Variants in ESRRB observed in about 807,000 individuals in gnomAD.
The protein encoded by ESRRB is steroid hormone receptor ERR2.
Under a neutral mutation model 46.0 loss-of-function variants are expected in ESRRB, and 16 were observed. The ratio of observed to expected loss-of-function variants is 0.35; its 90% CI spans 0.24 to 0.53. The LOEUF (loss-of-function observed/expected upper bound fraction) is 0.53. Among genes scored for constraint, ESRRB ranks in the 20% least tolerant of loss-of-function variants. ESRRB has a pLI of 0.93. For synonymous variants in ESRRB, 246 were observed against 259.6 expected, an observed-to-expected ratio of 0.95 and a Z score of 0.50; for missense variants, 488 against 607.4, an observed-to-expected ratio of 0.80 and a Z score of 2.07.
At chr14:76,425,125 G>A (rs920594606) in intron 1 of ESRRB, among the ~76,000 whole-genome samples, 1 of 152,172 alleles carries the variant, frequency 6.6e-6, no homozygotes, top group African/African-American at 2.4e-5. Context: ...ACCCTGGTGA[G>A]GAGAGGGGAG....
At position 76,360,769 on chromosome 14, in the gene ESRRB, G is replaced by C. The variant is rs551999906; in HGVS notation, c.2+49853G>C. 9.9e-5 allele frequency among the ~76,000 whole-genome samples: 15 copies of C among 152,280 alleles called. No homozygotes were observed. The Middle Eastern group carries it at 0.024, about 242-fold the overall frequency. On this transcript the variant is annotated intron_variant, in intron 1 of 6. Coordinates refer to the ESRRB transcript ENST00000512784. ...CATTAGCTAGCACTGAATGTAACAA[G>C]ACTTAACAGTTGATAGATAAAGAGG... is the stretch of plus-strand genomic sequence containing the variant.
In ESRRB at chr14:76,358,355, G is replaced by A. The variant is rs868512460; in HGVS notation, c.2+47439G>A. On this transcript the variant is annotated intron_variant, in intron 1 of 6. Transcript: ENST00000512784. The stretch of plus-strand genomic sequence containing the variant: ...AGAAAGAAAGAAAGAAAGAAAGAAA[G>A]AAAGAAAGAAAGAAAGAAAGAAAGA... 1.6e-4 allele frequency among the ~76,000 whole-genome samples: 7 copies of A among 42,816 alleles called. 1 individual carries two copies. The highest frequency in any genetic ancestry group is 5.0e-4 in the African/African-American group (5 of 9,946). The allele number at this position is 42,816 out of a possible 152,430, so 28.1% of individuals were successfully genotyped here.
intron 1 of ESRRB, among the ~76,000 whole-genome samples, chr14:76,321,418 G>C (rs1407078394): frequency 2.6e-5 from 4 of 152,030 alleles, no homozygotes; most frequent in Admixed American, 2.6e-4. Flanking sequence ...TTCACACTGG[G>C]GTTGAACCAT....
At chr14:76,409,813 G>A (rs1003587361) in intron 1 of ESRRB, among the ~76,000 whole-genome samples, 2 of 152,128 alleles carry the variant, frequency 1.3e-5, no homozygotes, top group African/African-American at 4.8e-5. Flanking sequence ...GGAAGGCTGA[G>A]GAAATGAAGA....
intron 1 of ESRRB, among the ~76,000 whole-genome samples, chr14:76,396,801 C>A (rs1257057572): frequency 6.6e-6 from 1 of 152,202 alleles, no homozygotes; most frequent in Non-Finnish European, 1.5e-5. Flanking sequence ...CCGGAGCCAG[C>A]GCTGGCGGTA....
chr14:76,375,953 T>A (rs1443416286), upstream of ESRRB, among the ~76,000 whole-genome samples: 1 of 129,794 alleles, frequency 7.7e-6, no homozygotes, highest in African/African-American at 2.9e-5. Flanking sequence ...GTACTCCTAC[T>A]GCTCAGGAGG....
At chr14:76,469,774 C>T (rs909777375) in intron 3 of ESRRB, among the ~76,000 whole-genome samples, 1 of 152,104 alleles carries the variant, frequency 6.6e-6, no homozygotes, top group Non-Finnish European at 1.5e-5. Flanking sequence ...TCAACAAAAC[C>T]TCCTAAAGGA....
chr14:76,311,016 C>G, intron 1 of ESRRB: 1 of 390,764 alleles, frequency 2.6e-6, no homozygotes, highest in Non-Finnish European at 5.0e-6. Context: ...CTCTCTCTCT[C>G]TCTCAATGGA....
rs1393335116 is a variant in ESRRB at position 76,439,699 on chromosome 14, G to A, written c.409G>A (p.Gly137Ser). Residue 137 changes from glycine to serine, a missense_variant, in exon 2 of 7, where the codon GGC (glycine) becomes AGC (serine). Physicochemically the swap from Gly to Ser is moderately conservative, Grantham distance 56. Transcript: ENST00000644823. Reference protein sequence around the residue: ...CGDIASGYHYGVASCEACKAF... With the variant: ...CGDIASGYHYSVASCEACKAF... ...GGACATTGCCTCTGGCTACCACTAC[G>A]GCGTGGCCTCCTGCGAGGCTTGCAA... 2 of 1,614,048 alleles carry A rather than the reference G, an allele frequency of 1.2e-6. No individual in the cohort carries two copies. The highest frequency in any genetic ancestry group is 1.7e-6 in the Non-Finnish European group (2 of 1,180,012).
chr14:76,330,334 C>T (rs1342647626), intron 1 of ESRRB, among the ~76,000 whole-genome samples: 1 of 152,188 alleles, frequency 6.6e-6, no homozygotes, highest in Non-Finnish European at 1.5e-5. Flanking sequence ...GTTTTCATCC[C>T]GCCTGACACA....
Position 76,462,600 on chromosome 14 carries a change from G to T in ESRRB, c.516G>T (p.Arg172Ser). 6.2e-7 allele frequency: 1 copy of T among 1,614,162 alleles called. No individual in the cohort carries two copies. The highest frequency in any genetic ancestry group is 2.2e-5 in the East Asian group (1 of 44,878). ...ACGAGTGCGAGATCACCAAACGGAG[G>T]CGCAAGTCCTGCCAGGCCTGCCGCT... The part of the protein sequence containing the change: ...ATNECEITKR[R>S]RKSCQACRFM... Residue 172 changes from arginine to serine, a missense_variant, in exon 3 of 7, where the codon AGG becomes AGT. Physicochemically the swap from Arg to Ser is moderately radical, Grantham distance 110. Coordinates refer to ENST00000644823, the MANE Select transcript of ESRRB (RefSeq NM_001379180.1).
chr14:76,401,274 T>A (rs1056662964), intron 1 of ESRRB, among the ~76,000 whole-genome samples: 2 of 152,202 alleles, frequency 1.3e-5, no homozygotes, highest in Non-Finnish European at 2.9e-5. Context: ...GAGACCATGA[T>A]GAATGGGGAC....
At position 76,445,332 on chromosome 14, in the gene ESRRB, G is replaced by A. The variant is rs576763382; in HGVS notation, c.460+5582G>A. On this transcript the variant is annotated intron_variant, in intron 2 of 6. Coordinates refer to ENST00000644823, the MANE Select transcript of ESRRB (RefSeq NM_001379180.1). ...TAAAAAATACAAAAATTAGCTGGGT[G>A]TGGTGGCGCATGCCTGTAATCCCAG... Among the ~76,000 whole-genome samples the A allele has an allele frequency of 2.0e-5, 3 of 151,516 alleles. No homozygotes were observed. In the East Asian group the frequency reaches 5.8e-4, roughly 29 times the overall value.
upstream of ESRRB, among the ~76,000 whole-genome samples, chr14:76,370,588 G>A (rs1290850054): frequency 1.3e-5 from 2 of 152,110 alleles, no homozygotes; most frequent in African/African-American, 4.8e-5. Context: ...TAGCTACCAG[G>A]TACTATCGAG....
chr14:76,344,248 GTGT>G (rs1884223194), intron 1 of ESRRB, among the ~76,000 whole-genome samples: 1 of 152,214 alleles, frequency 6.6e-6, no homozygotes, highest in Non-Finnish European at 1.5e-5. Flanking sequence ...ATTGTTATTA[GTGT>G]TGTGCTTTTA....
At chr14:76,497,574 C>T (rs1344479285) in intron 6 of ESRRB, among the ~76,000 whole-genome samples, 4 of 152,200 alleles carry the variant, frequency 2.6e-5, no homozygotes, top group East Asian at 1.9e-4. Flanking sequence ...CCTCCATCAC[C>T]GTGCCTCATG....
intron 2 of ESRRB, among the ~76,000 whole-genome samples, chr14:76,452,406 T>C (rs1394879695): frequency 6.6e-6 from 1 of 151,578 alleles, no homozygotes; most frequent in African/African-American, 2.4e-5. Context: ...GCGGGTAGAT[T>C]ACTTGAGGTC....
At chr14:76,355,604 G>A (rs1404081643) in intron 1 of ESRRB, among the ~76,000 whole-genome samples, 1 of 152,170 alleles carries the variant, frequency 6.6e-6, no homozygotes, top group Admixed American at 6.5e-5. Flanking sequence ...ATTCTGTCCT[G>A]TCTGGGTCCC....
In ESRRB at chr14:76,482,208, C is replaced by A; in HGVS notation, c.688+82C>A. The A allele has an allele frequency of 9.8e-7, 1 of 1,025,234 alleles. No individual in the cohort carries two copies. The highest frequency in any genetic ancestry group is 1.5e-6 in the Non-Finnish European group (1 of 656,972). 63.5% of individuals were successfully genotyped at this position (1,025,234 alleles called of 1,614,324 possible). ...GCATCCCTTAGGGAAACATCATCTT[C>A]CCACCACTGGGTCATGAGACAATGT... is the stretch of plus-strand genomic sequence containing the variant. On this transcript the variant is annotated intron_variant, in intron 4 of 6. Coordinates refer to ENST00000644823, the MANE Select transcript of ESRRB (RefSeq NM_001379180.1). This position sits in a 1 kb window ranked among gnomAD's most constrained non-coding sequence, Gnocchi z 4.3.
Sources: allele counts gnomAD v4.1 joint callset (sites outside exome capture counted in the v4.1 genomes callset), GRCh38; gene constraint gnomAD v4.1.1; non-coding constraint Gnocchi (gnomAD v3.1); transcripts MANE v1.5; gene names NCBI Gene and HGNC (gene_info 2026-07-23, HGNC 2026-07-21).